Variants in PTPRD observed in about 807,000 individuals in gnomAD.
PTPRD encodes protein tyrosine phosphatase receptor type D, also known as receptor-type tyrosine-protein phosphatase delta.
A neutral mutation model predicts 214.5 loss-of-function variants in PTPRD; 34 were observed. That is an observed-to-expected ratio of 0.16 (90% CI 0.12 to 0.21). The LOEUF is 0.21. PTPRD is among the 10% of genes least tolerant of loss of function. The probability of loss-of-function intolerance (pLI) is 1.00; values close to 1 mark genes in which losing one functional copy is unlikely to be tolerated. For missense variants in PTPRD, 2,545 were observed against 2,398.7 expected, an observed-to-expected ratio of 1.06 and a Z score of -1.27; for synonymous variants, 1,128 against 845.7, an observed-to-expected ratio of 1.33 and a Z score of -5.79.
intron 5 of PTPRD, among the ~76,000 whole-genome samples, chr9:9,845,472 G>T (rs890756017): frequency 6.6e-6 from 1 of 151,612 alleles, no homozygotes; most frequent in Admixed American, 6.6e-5. Flanking sequence ...AAGCTCATGA[G>T]CATATACGTG....
At chr9:8,916,070 C>A (rs2154265215) in intron 11 of PTPRD, among the ~76,000 whole-genome samples, 1 of 152,176 alleles carries the variant, frequency 6.6e-6, no homozygotes, top group Admixed American at 6.5e-5. Flanking sequence ...GGTTTTATAT[C>A]AAAGATCAGA....
At chr9:8,586,746 G>C (rs894163246) in intron 14 of PTPRD, among the ~76,000 whole-genome samples, 4 of 152,186 alleles carry the variant, frequency 2.6e-5, no homozygotes, top group African/African-American at 7.2e-5. Context: ...GGCATTGCTA[G>C]ACCAAGTATG....
intron 5 of PTPRD, among the ~76,000 whole-genome samples, chr9:9,887,947 A>G (rs573510012): frequency 1.1e-4 from 17 of 152,300 alleles, no homozygotes; most frequent in African/African-American, 3.6e-4. Flanking sequence ...CACATGAAAA[A>G]TAACAAAATA....
chr9:8,620,721 G>C (rs1377872445), intron 14 of PTPRD, among the ~76,000 whole-genome samples: 3 of 151,696 alleles, frequency 2.0e-5, no homozygotes, highest in Non-Finnish European at 4.4e-5. Context: ...AACAGTAAAG[G>C]AAAAAAATAG....
intron 8 of PTPRD, among the ~76,000 whole-genome samples, chr9:9,409,912 A>T: frequency 6.6e-6 from 1 of 152,184 alleles, no homozygotes; most frequent in Non-Finnish European, 1.5e-5. Flanking sequence ...CATTGAATCT[A>T]AATATTTTAT....
rs367665926 is a variant in PTPRD, at chr9:8,317,134, C to T, written c.*740G>A. On this transcript the variant is annotated 3_prime_UTR_variant, in exon 46 of 46. Transcript: ENST00000381196. ...ATTAATATATCTGACGAGACTGATA[C>T]TGTAGATTGAGTTTTGCACAAAAAT... 1.3e-5 allele frequency: 3 copies of T among 231,800 alleles called. No homozygotes were observed. The highest frequency in any genetic ancestry group is 1.8e-4 in the South Asian group (1 of 5,508). The allele number at this position is 231,800 out of a possible 1,614,324, so 14.4% of individuals were successfully genotyped here. A position where few individuals can be genotyped will look rare whatever the true frequency, so the allele number is the denominator to read the frequency against.
chr9:9,375,519 C>A (rs1205546159), intron 9 of PTPRD, among the ~76,000 whole-genome samples: 1 of 152,096 alleles, frequency 6.6e-6, no homozygotes, highest in Non-Finnish European at 1.5e-5. Context: ...TCACTTGAAC[C>A]TGGGAGGCGG....
intron 12 of PTPRD, among the ~76,000 whole-genome samples, chr9:8,665,489 G>C (rs1025969339): frequency 7.9e-5 from 12 of 152,124 alleles, no homozygotes; most frequent in African/African-American, 2.9e-4. Flanking sequence ...ACTGAGAGGA[G>C]GACAGCTTAC....
chr9:10,254,909 G>T (rs974257670), intron 3 of PTPRD, among the ~76,000 whole-genome samples: 13 of 152,132 alleles, frequency 8.5e-5, no homozygotes, highest in African/African-American at 3.1e-4. Context: ...TCTGTTCTCT[G>T]ATGACTTTTA....
intron 8 of PTPRD, among the ~76,000 whole-genome samples, chr9:9,516,763 C>T (rs1258027451): frequency 6.6e-6 from 1 of 151,988 alleles, no homozygotes; most frequent in Non-Finnish European, 1.5e-5. Flanking sequence ...GTCTCAATCT[C>T]TTGACCTCAT....
intron 10 of PTPRD, among the ~76,000 whole-genome samples, chr9:9,174,402 A>C (rs796611145): frequency 6.6e-5 from 10 of 152,312 alleles, no homozygotes; most frequent in African/African-American, 2.2e-4. Context: ...CTATGCTTAC[A>C]TACTTTTATT....
intron 9 of PTPRD, among the ~76,000 whole-genome samples, chr9:9,197,985 A>T (rs1244023531): frequency 1.3e-5 from 2 of 152,210 alleles, no homozygotes; most frequent in Non-Finnish European, 2.9e-5. Context: ...TGGCAGGACT[A>T]ATCTAGAAAA....
intron 7 of PTPRD, among the ~76,000 whole-genome samples, chr9:9,717,725 C>T (rs1008331028): frequency 6.6e-6 from 1 of 152,144 alleles, no homozygotes; most frequent in Non-Finnish European, 1.5e-5. Flanking sequence ...GAATACCAAG[C>T]CAGATTTCTG....
chr9:8,688,716 C>T (rs915194920), intron 12 of PTPRD, among the ~76,000 whole-genome samples: 1 of 152,136 alleles, frequency 6.6e-6, no homozygotes, highest in Non-Finnish European at 1.5e-5. Flanking sequence ...ATAACCCTTG[C>T]AATGGATACA....
At chr9:9,295,951 T>C (rs892143408) in intron 9 of PTPRD, among the ~76,000 whole-genome samples, 2 of 151,808 alleles carry the variant, frequency 1.3e-5, no homozygotes, top group African/African-American at 2.4e-5. Flanking sequence ...GTTGGATTAA[T>C]TTTCTGGAAA....
intron 2 of PTPRD, among the ~76,000 whole-genome samples, chr9:10,484,170 T>C (rs1383111776): frequency 6.6e-6 from 1 of 152,080 alleles, no homozygotes; most frequent in Non-Finnish European, 1.5e-5. Context: ...CTGGATTCTT[T>C]AATCTAAGAG....
intron 5 of PTPRD, among the ~76,000 whole-genome samples, chr9:9,933,504 G>T (rs1436013187): frequency 6.6e-6 from 1 of 151,754 alleles, no homozygotes; most frequent in Non-Finnish European, 1.5e-5. Flanking sequence ...GTGGTAAAGG[G>T]ATCAATTCAA....
intron 26 of PTPRD, among the ~76,000 whole-genome samples, 197 bp downstream of exon 26, chr9:8,497,045 G>C (rs1477212040): frequency 6.6e-6 from 1 of 152,134 alleles, no homozygotes; most frequent in East Asian, 1.9e-4. Context: ...TTCTTACGCA[G>C]TCAATAGCAC....
chr9:8,521,044 CTT>C (rs2097881440), intron 20 of PTPRD, among the ~76,000 whole-genome samples: 1 of 152,040 alleles, frequency 6.6e-6, no homozygotes, highest in African/African-American at 2.4e-5. Context: ...CATGGACTGT[CTT>C]TTAATATTCT....
Sources: allele counts gnomAD v4.1 joint callset (sites outside exome capture counted in the v4.1 genomes callset), GRCh38; gene constraint gnomAD v4.1.1; transcripts MANE v1.5; gene names NCBI Gene and HGNC (gene_info 2026-07-23, HGNC 2026-07-21).